SMYD3: variants seen among roughly 807,000 people sequenced by gnomAD.
SMYD3 encodes the protein histone-lysine N-methyltransferase SMYD3.
In SMYD3, 36 loss-of-function variants were observed where a neutral mutation model predicts 57.7. The ratio of observed to expected loss-of-function variants is 0.62; its 90% CI spans 0.48 to 0.82. SMYD3 has a LOEUF of 0.82. SMYD3 is among the 40% of genes least tolerant of loss of function. SMYD3 has a pLI of 0.00. For synonymous variants in SMYD3, 211 were observed against 195.0 expected (o/e 1.08, Z -0.68); for missense variants, 515 against 538.8 (o/e 0.96, Z 0.44).
chr1:245,759,458 G>A (rs966649961), intron 11 of SMYD3, among the ~76,000 whole-genome samples: 2 of 152,168 alleles, frequency 1.3e-5, no homozygotes, highest in African/African-American at 4.8e-5. Context: ...AAAAGGTTGT[G>A]TATATTTAAC....
chr1:245,803,465 C>CA lies in SMYD3; in HGVS notation c.1077-39317dup, dbSNP rs199571914. 4.2e-3 allele frequency among the ~76,000 whole-genome samples: 643 copies of CA among 152,254 alleles called. 4 individuals carry two copies. Among genetic ancestry groups the CA allele is most frequent in the African/African-American group, 0.015 (611 of 41,534 alleles). On this transcript the variant is annotated intron_variant, in intron 10 of 11. Coordinates refer to ENST00000490107, the MANE Select transcript of SMYD3 (RefSeq NM_001167740.2). ...TTCACAGGTCAACAATGGTGACTGT[C>CA]AACAGTTTCATATGGTTAAATACAC...
intron 5 of SMYD3, among the ~76,000 whole-genome samples, chr1:246,097,732 C>T (rs773126528): frequency 3.1e-4 from 47 of 152,010 alleles, no homozygotes; most frequent in Non-Finnish European, 3.8e-4. Flanking sequence ...GGATATCTAC[C>T]TGCTACCTAT....
At chr1:245,798,405 CATACA>C (rs373435061) in intron 10 of SMYD3, among the ~76,000 whole-genome samples, 157 of 11,750 alleles carry the variant, frequency 0.013, 4 homozygotes, top group East Asian at 0.13. Context: ...CACACACACA[CATACA>C]CACACATACA....
rs1003191589 is a variant in SMYD3, at chr1:246,172,312, C to T, written c.531+154889G>A. On this transcript the variant is annotated intron_variant, in intron 5 of 11. Transcript: ENST00000490107. ...AGACTATCCACACTGTACGCTTAGG[C>T]TACACAGGCCTAGAACACTCACTGT... is the stretch of plus-strand genomic sequence containing the variant. 2.0e-5 allele frequency among the ~76,000 whole-genome samples: 3 copies of T among 150,730 alleles called. No individual in the cohort carries two copies. In the East Asian group the frequency reaches 5.9e-4, roughly 30 times the overall value.
intron 5 of SMYD3, among the ~76,000 whole-genome samples, chr1:246,237,505 G>C (rs1050374187): frequency 2.6e-5 from 4 of 152,134 alleles, no homozygotes; most frequent in African/African-American, 9.7e-5. Context: ...CATCTCTTCA[G>C]ACTGGATTTT....
chr1:246,267,058 A>G (rs577647106), intron 5 of SMYD3, among the ~76,000 whole-genome samples: 42 of 152,328 alleles, frequency 2.8e-4, no homozygotes, highest in African/African-American at 9.9e-4. Context: ...AAGTTACAGA[A>G]TATGTATCTA....
chr1:246,142,581 G>A (rs1419850591), intron 5 of SMYD3, among the ~76,000 whole-genome samples: 1 of 152,174 alleles, frequency 6.6e-6, no homozygotes, highest in Non-Finnish European at 1.5e-5. Flanking sequence ...TATACGCATG[G>A]ATACGCTTGA....
chr1:246,453,635 A>C (rs2067662965), intron 1 of SMYD3, among the ~76,000 whole-genome samples: 1 of 152,176 alleles, frequency 6.6e-6, no homozygotes, highest in African/African-American at 2.4e-5. Context: ...AACTGACTTA[A>C]AATGCTCCTC....
intron 8 of SMYD3, among the ~76,000 whole-genome samples, chr1:245,905,099 T>C (rs1572646749): frequency 6.6e-6 from 1 of 152,026 alleles, no homozygotes; most frequent in East Asian, 2.0e-4. Context: ...GTGACACCCA[T>C]GAATTACATC....
intron 10 of SMYD3, among the ~76,000 whole-genome samples, chr1:245,840,086 G>A (rs889123911): frequency 6.6e-6 from 1 of 152,074 alleles, no homozygotes; most frequent in African/African-American, 2.4e-5. Context: ...TTTAACATGT[G>A]ATAACCAGCA....
At chr1:246,067,533 C>G (rs891906873) in intron 5 of SMYD3, among the ~76,000 whole-genome samples, 14 of 152,116 alleles carry the variant, frequency 9.2e-5, no homozygotes, top group Non-Finnish European at 1.9e-4. Flanking sequence ...TCTTGAAAAT[C>G]TAAATCTTCA....
intron 5 of SMYD3, among the ~76,000 whole-genome samples, chr1:246,105,425 A>G (rs569750401): frequency 3.1e-4 from 47 of 152,296 alleles, no homozygotes; most frequent in Non-Finnish European, 6.5e-4. Flanking sequence ...TACAGACTCT[A>G]GCCTGCTAAA....
intron 5 of SMYD3, among the ~76,000 whole-genome samples, chr1:246,007,728 G>A (rs1457296943): frequency 1.3e-5 from 2 of 151,444 alleles, no homozygotes; most frequent in African/African-American, 4.9e-5. Context: ...GAGGTGGGAG[G>A]ATCACATGAG....
chr1:245,798,842 C>G (rs1273620302), intron 10 of SMYD3, among the ~76,000 whole-genome samples: 1 of 152,110 alleles, frequency 6.6e-6, no homozygotes, highest in Non-Finnish European at 1.5e-5. Flanking sequence ...TCATTCTTTT[C>G]CCCCTAGAAC....
At chr1:245,994,789 T>G (rs1431133095) in intron 5 of SMYD3, among the ~76,000 whole-genome samples, 1 of 149,600 alleles carries the variant, frequency 6.7e-6, no homozygotes, top group Non-Finnish European at 1.5e-5. Flanking sequence ...AAGTAAGAGA[T>G]GAAGAAACTT....
At chr1:246,112,119 C>T (rs562014430) in intron 5 of SMYD3, among the ~76,000 whole-genome samples, 15 of 152,304 alleles carry the variant, frequency 9.8e-5, no homozygotes, top group African/African-American at 2.6e-4. Context: ...TTCAGAGCAA[C>T]CTTCTTCATG....
intron 5 of SMYD3, among the ~76,000 whole-genome samples, chr1:245,986,757 AT>A (rs1553380739): frequency 2.0e-5 from 3 of 152,240 alleles, no homozygotes; most frequent in Non-Finnish European, 4.4e-5. Context: ...AGAACGGGTC[AT>A]CGTCAAAGAG....
At chr1:246,075,333 A>C (rs549764910) in intron 5 of SMYD3, among the ~76,000 whole-genome samples, 27 of 152,352 alleles carry the variant, frequency 1.8e-4, no homozygotes, top group Middle Eastern at 3.4e-3. Flanking sequence ...ATAAGAACTC[A>C]GTCTTACATG....
chr1:245,962,779 T>C (rs1403688281), intron 5 of SMYD3, among the ~76,000 whole-genome samples: 2 of 126,534 alleles, frequency 1.6e-5, no homozygotes, highest in Non-Finnish European at 3.5e-5. Flanking sequence ...AAAGTCGGCC[T>C]GAATACATGT....
Sources: allele counts gnomAD v4.1 joint callset (sites outside exome capture counted in the v4.1 genomes callset), GRCh38; gene constraint gnomAD v4.1.1; transcripts MANE v1.5; gene names NCBI Gene and HGNC (gene_info 2026-07-23, HGNC 2026-07-21).